TREH: variants seen among roughly 807,000 people sequenced by gnomAD.
The protein encoded by TREH is alpha,alpha-trehalose glucohydrolase.
A neutral mutation model predicts 80.5 loss-of-function variants in TREH; 69 were observed. The observed-to-expected ratio is 0.86, with a 90% confidence interval of 0.71 to 1.05. The LOEUF (loss-of-function observed/expected upper bound fraction) is 1.05, where lower values mean the gene tolerates loss of function less well. TREH is among the 50% of genes least tolerant of loss of function. The probability of loss-of-function intolerance (pLI) is 0.00; values close to 1 mark genes in which losing one functional copy is unlikely to be tolerated. For synonymous variants in TREH, 309 were observed against 293.5 expected (o/e 1.05, Z -0.54); for missense variants, 716 against 718.8 (o/e 1.00, Z 0.04).
Position 118,658,115 on chromosome 11 carries a change from G to A in TREH, c.*174C>T. 1.1e-6 allele frequency: 1 copy of A among 890,178 alleles called. No individual in the cohort carries two copies. The highest frequency in any genetic ancestry group is 1.7e-6 in the Non-Finnish European group (1 of 595,516). The allele number at this position is 890,178 out of a possible 1,614,324, so 55.1% of individuals were successfully genotyped here. A position where few individuals can be genotyped will look rare whatever the true frequency, so the allele number is the denominator to read the frequency against. On this transcript the variant is annotated 3_prime_UTR_variant, in exon 15 of 15. Coordinates refer to ENST00000264029, the MANE Select transcript of TREH (RefSeq NM_007180.3). The stretch of plus-strand genomic sequence containing the variant: ...GAGCAGGATTTCCACCCTATTCAAG[G>A]TTCCAGGAGGGAGCTAGGCCCCTAC...
rs560904710 is a variant in TREH at position 118,660,179 on chromosome 11, A to C, written c.1103-215T>G. ...GAACCACTGGAGCTGATCTGTCCCCAGGGTCTCCAGGGTCTATCCTCCCAA... is the reference window on the plus strand; with the variant it reads ...GAACCACTGGAGCTGATCTGTCCCCCGGGTCTCCAGGGTCTATCCTCCCAA... On this transcript the variant is annotated intron_variant, in intron 10 of 14. Transcript: ENST00000264029. 4.6e-5 allele frequency among the ~76,000 whole-genome samples: 7 copies of C among 152,292 alleles called. No individual in the cohort carries two copies. The East Asian group carries it at 1.2e-3, about 25-fold the overall frequency.
At chr11:118,659,105 A>G in intron 12 of TREH, 88 bp from the exon 13 acceptor site, 1 of 1,374,772 alleles carries the variant, frequency 7.3e-7, no homozygotes. Context: ...CAAGGAGGGA[A>G]AGAGGCCTGG....
intron 1 of TREH, among the ~76,000 whole-genome samples, chr11:118,671,255 T>C (rs1237115578): frequency 6.6e-6 from 1 of 152,198 alleles, no homozygotes; most frequent in Non-Finnish European, 1.5e-5. Flanking sequence ...TTATATTTTT[T>C]TGCTTAGGAA....
intron 1 of TREH, among the ~76,000 whole-genome samples, chr11:118,670,101 A>T (rs904123460): frequency 2.8e-4 from 43 of 152,212 alleles, no homozygotes; most frequent in Admixed American, 1.8e-3. Flanking sequence ...ATTTAAAAAA[A>T]GAAATCAATT....
Position 118,661,506 on chromosome 11 carries a change from ATAGC to A in TREH, c.618-1_620del, listed in dbSNP as rs1555144966. On this transcript the variant is annotated splice_acceptor_variant and coding_sequence_variant, in exon 7 of 15. Coordinates refer to ENST00000264029, the MANE Select transcript of TREH (RefSeq NM_007180.3). LOFTEE classifies it high-confidence loss of function. This position sits in a 1 kb window ranked among gnomAD's most constrained non-coding sequence, Gnocchi z 4.2. ...CGCGCCCACCATTGGGGACATGCCCATAGCTGCCAAGGGGAAGGCCTGCTGAGAT... is the reference window on the plus strand; with the variant it reads ...CGCGCCCACCATTGGGGACATGCCCATGCCAAGGGGAAGGCCTGCTGAGAT... 3 of 1,613,462 alleles carry A rather than the reference ATAGC, an allele frequency of 1.9e-6. No individual in the cohort carries two copies. Among genetic ancestry groups the A allele is most frequent in the Non-Finnish European group, 2.5e-6 (3 of 1,179,634 alleles).
At chr11:118,662,787 CCTGAT>C in intron 4 of TREH, 89 bp downstream of exon 4, 6 of 1,428,730 alleles carry the variant, frequency 4.2e-6, no homozygotes, top group Non-Finnish European at 5.8e-6. Flanking sequence ...GGAAAGGAAA[CCTGAT>C]CTGTGCTCCG....
intron 12 of TREH, 73 bp from the exon 13 acceptor site, chr11:118,659,090 C>G (rs1949270510): frequency 3.4e-6 from 5 of 1,471,184 alleles, no homozygotes; most frequent in African/African-American, 1.4e-5. Context: ...GCACCCTACT[C>G]TCCCCAAGGA....
chr11:118,674,770 G>T lies in TREH; in HGVS notation c.89+4769C>A, dbSNP rs1949461256. Among the ~76,000 whole-genome samples the T allele has an allele frequency of 6.6e-6, 1 of 152,160 alleles. No individual in the cohort carries two copies. The highest frequency in any genetic ancestry group is 2.1e-4 in the South Asian group (1 of 4,830). On this transcript the variant is annotated intron_variant, in intron 1 of 14. Transcript: ENST00000264029. The surrounding 1 kb of genome is among the most constrained non-coding windows in gnomAD (Gnocchi z 4.4). Reference sequence around the variant, plus strand: ...TTGGTCAGGCTGGTCTTGAACTCCTGATCTCAGATGATCCACCCACCTCTG... The same window carrying T: ...TTGGTCAGGCTGGTCTTGAACTCCTTATCTCAGATGATCCACCCACCTCTG...
At chr11:118,675,936 C>T (rs1218681904) in intron 1 of TREH, among the ~76,000 whole-genome samples, 2 of 152,186 alleles carry the variant, frequency 1.3e-5, no homozygotes, top group Non-Finnish European at 2.9e-5. Flanking sequence ...TGCCTGGCCT[C>T]AAGTGATCCA....
rs35085066 is a variant in TREH, at chr11:118,668,561, CAAAAAAAAAAAAAA to C, written c.90-5136_90-5123del. On this transcript the variant is annotated intron_variant, in intron 1 of 14. Transcript: ENST00000264029. Reference sequence around the variant, plus strand: ...TGGGCAACAGGGTGAGACTCTGTCTCAAAAAAAAAAAAAAAAAAAAAAAAAAAAGATTTTCCATG... The same window carrying C: ...TGGGCAACAGGGTGAGACTCTGTCTCAAAAAAAAAAAAAAGATTTTCCATG... Among the ~76,000 whole-genome samples, 152 of 47,870 alleles carry C rather than the reference CAAAAAAAAAAAAAA, an allele frequency of 3.2e-3. 3 individuals are homozygous for C. Among genetic ancestry groups the C allele is most frequent in the Admixed American group, 0.021 (50 of 2,402 alleles). 31.4% of individuals were successfully genotyped at this position (47,870 alleles called of 152,430 possible). A position where few individuals can be genotyped will look rare whatever the true frequency, so the allele number is the denominator to read the frequency against.
At chr11:118,677,170 T>C (rs1555146950) in intron 1 of TREH, among the ~76,000 whole-genome samples, 1 of 152,260 alleles carries the variant, frequency 6.6e-6, no homozygotes, top group African/African-American at 2.4e-5. Context: ...GGAGAGTGAG[T>C]AACTGAGGTC....
At chr11:118,669,725 C>T (rs1000943185) in intron 1 of TREH, among the ~76,000 whole-genome samples, 1 of 151,894 alleles carries the variant, frequency 6.6e-6, no homozygotes, top group Non-Finnish European at 1.5e-5. Flanking sequence ...TGGCAGGAGT[C>T]GCAGGGAGGT....
chr11:118,664,936 C>T (rs1949362742), intron 1 of TREH, among the ~76,000 whole-genome samples: 1 of 151,898 alleles, frequency 6.6e-6, no homozygotes, highest in African/African-American at 2.4e-5. Context: ...TGGTGAAACC[C>T]CATCTCCACT....
chr11:118,658,551 A>G, intron 14 of TREH, 110 bp from the exon 15 acceptor site: 1 of 1,519,254 alleles, frequency 6.6e-7, no homozygotes, highest in Non-Finnish European at 8.9e-7. Flanking sequence ...CCAGCGGTAC[A>G]GGAAGCACCA....
At position 118,662,842 on chromosome 11, in the gene TREH, CCCTTGGTCAGG is replaced by C. The variant is rs781783422; in HGVS notation, c.423+28_423+38del. On this transcript the variant is annotated intron_variant, in intron 4 of 14. Coordinates refer to ENST00000264029, the MANE Select transcript of TREH (RefSeq NM_007180.3). ...CCCAGGCACATTCCTCTCTTCAGTTCCCTTGGTCAGGCCTTGGGCAGGCCCAGGACGCTGAT... is the reference window on the plus strand; with the variant it reads ...CCCAGGCACATTCCTCTCTTCAGTTCCCTTGGGCAGGCCCAGGACGCTGAT... The C allele has an allele frequency of 2.8e-4, 441 of 1,551,530 alleles. 1 individual carries two copies. Among genetic ancestry groups the C allele is most frequent in the Non-Finnish European group, 3.1e-4 (356 of 1,146,172 alleles).
rs188427580 is a variant in TREH, at chr11:118,658,959, A to G, written c.1491T>C (p.Asn497=). The G allele has an allele frequency of 3.8e-4, 613 of 1,613,928 alleles. 1 individual carries two copies. The African/African-American group carries it at 7.2e-3, about 19-fold the overall frequency. The change falls in exon 13 of 15, where the codon AAT becomes AAC. Residue 497 remains asparagine (N), a synonymous_variant. Transcript: ENST00000264029. ...AQEVAFQLAQ[N]WIRTNFDVYS... is the part of the protein sequence containing the mutation. ...AGACATCAAAATTGGTTCGGATCCA[A>G]TTCTGAGCCAGCTGGAAAGCCACTT... is the stretch of plus-strand genomic sequence containing the variant.
intron 1 of TREH, among the ~76,000 whole-genome samples, chr11:118,670,943 G>C (rs1371265642): frequency 6.6e-6 from 1 of 152,154 alleles, no homozygotes; most frequent in East Asian, 1.9e-4. Context: ...TTTATTCCCA[G>C]CTACTACACC....
chr11:118,660,771 G>A (rs1302552528), intron 9 of TREH, 38 bp from the exon 10 acceptor site: 1 of 1,549,006 alleles, frequency 6.5e-7, no homozygotes, highest in Non-Finnish European at 8.8e-7. Context: ...AGTCCCGGCT[G>A]CAGGATAGGC....
At chr11:118,658,518 A>T in intron 14 of TREH, 77 bp from the exon 15 acceptor site, 1 of 1,548,932 alleles carries the variant, frequency 6.5e-7, no homozygotes, top group East Asian at 2.4e-5. Flanking sequence ...CTCTCTCCCC[A>T]GGGGCACTGG....
Sources: allele counts gnomAD v4.1 joint callset (sites outside exome capture counted in the v4.1 genomes callset), GRCh38; gene constraint gnomAD v4.1.1; non-coding constraint Gnocchi (gnomAD v3.1); transcripts MANE v1.5; gene names NCBI Gene and HGNC (gene_info 2026-07-23, HGNC 2026-07-21).